Variants in MAPKAP1 observed in about 807,000 individuals in gnomAD.
MAPKAP1 encodes the protein target of rapamycin complex 2 subunit MAPKAP1.
A neutral mutation model predicts 65.7 loss-of-function variants in MAPKAP1; 20 were observed. The ratio of observed to expected loss-of-function variants is 0.30; its 90% CI spans 0.21 to 0.44. The LOEUF is 0.44. Among genes scored for constraint, MAPKAP1 ranks in the 20% least tolerant of loss-of-function variants. The pLI is 1.00. For missense variants in MAPKAP1, 423 were observed against 648.0 expected (o/e 0.65, Z 3.77); for synonymous variants, 222 against 244.3 (o/e 0.91, Z 0.85).
intron 9 of MAPKAP1, chr9:125,471,454 A>C (rs1363112770): frequency 6.6e-6 from 1 of 152,442 alleles, no homozygotes; most frequent in Non-Finnish European, 1.5e-5. Flanking sequence ...AAGACAAAAG[A>C]GTTAGGAGTA....
intron 6 of MAPKAP1, among the ~76,000 whole-genome samples, chr9:125,552,897 A>C (rs570476109): frequency 6.6e-6 from 1 of 152,138 alleles, no homozygotes; most frequent in African/African-American, 2.4e-5. Flanking sequence ...GTCTCTAAAA[A>C]TTTTTTTAAA....
chr9:125,468,171 G>C, intron 9 of MAPKAP1, 62 bp from the exon 10 acceptor site: 2 of 1,534,190 alleles, frequency 1.3e-6, no homozygotes, highest in Non-Finnish European at 1.8e-6. Context: ...AGTGATTTCA[G>C]GGAAATCATT....
chr9:125,685,745 C>A (rs1834955523), intron 1 of MAPKAP1, among the ~76,000 whole-genome samples: 1 of 152,220 alleles, frequency 6.6e-6, no homozygotes. Flanking sequence ...CATCACTATG[C>A]TGCCAGTTTC....
At chr9:125,521,849 A>G (rs1376399974) in intron 7 of MAPKAP1, 18 of 1,298,526 alleles carry the variant, frequency 1.4e-5, no homozygotes, top group African/African-American at 3.0e-5. Flanking sequence ...GGTGACTCCA[A>G]CCTGAGTCAG....
chr9:125,561,139 T>C (rs1359402897), intron 5 of MAPKAP1, among the ~76,000 whole-genome samples: 3 of 152,238 alleles, frequency 2.0e-5, no homozygotes, highest in Admixed American at 6.5e-5. Context: ...AATTGTTTAA[T>C]TGGTTGGTTG....
chr9:125,652,089 T>G, intron 4 of MAPKAP1: 1 of 1,252,050 alleles, frequency 8.0e-7, no homozygotes, highest in Non-Finnish European at 1.0e-6. Context: ...GGGCAATTTT[T>G]CTTTTTACGT....
chr9:125,596,623 T>C (rs1420417016), intron 4 of MAPKAP1: 9 of 650,670 alleles, frequency 1.4e-5, no homozygotes, highest in Non-Finnish European at 2.6e-5. Context: ...TGGCAGAAGA[T>C]TTTAATTACT....
At chr9:125,468,611 C>A (rs1287240502) in intron 9 of MAPKAP1, among the ~76,000 whole-genome samples, 1 of 152,162 alleles carries the variant, frequency 6.6e-6, no homozygotes, top group Admixed American at 6.5e-5. Context: ...ACCTTATACA[C>A]TAAAAAGAAT....
At chr9:125,460,733 G>A (rs1853464368) in intron 10 of MAPKAP1, among the ~76,000 whole-genome samples, 1 of 152,204 alleles carries the variant, frequency 6.6e-6, no homozygotes, top group South Asian at 2.1e-4. Context: ...AATAGTTTAA[G>A]AGTAAGATGT....
At chr9:125,625,254 A>AAT in intron 4 of MAPKAP1, among the ~76,000 whole-genome samples, 1 of 57,324 alleles carries the variant, frequency 1.7e-5, no homozygotes, top group Non-Finnish European at 4.0e-5. Flanking sequence ...AAATAAATAA[A>AAT]TAAAAAAAAA....
rs137941662 is a variant in MAPKAP1, at chr9:125,568,655, G to A, written c.672-8846C>T. On this transcript the variant is annotated intron_variant, in intron 5 of 11. Coordinates refer to ENST00000265960, the MANE Select transcript of MAPKAP1 (RefSeq NM_001006617.3). ...CCATCTGAGGGCAAATTTAAGCCTT[G>A]CCAGTTTGATATTGGGTGCTAAGCA... 2.6e-5 allele frequency: 4 copies of A among 152,394 alleles called. No homozygotes were observed. In the East Asian group the frequency reaches 7.7e-4, roughly 29 times the overall value. The allele number at this position is 152,394 out of a possible 1,614,324, so 9.4% of individuals were successfully genotyped here.
chr9:125,589,005 G>A (rs545904317), intron 4 of MAPKAP1, among the ~76,000 whole-genome samples: 2 of 152,246 alleles, frequency 1.3e-5, no homozygotes, highest in East Asian at 3.9e-4. Flanking sequence ...GCTGTTCACT[G>A]TATCTAGAGA....
chr9:125,484,295 CT>C, intron 9 of MAPKAP1, 147 bp downstream of exon 9: 1 of 811,942 alleles, frequency 1.2e-6, no homozygotes, highest in Non-Finnish European at 1.8e-6. Flanking sequence ...AAAGGATGTA[CT>C]TCAAATTCCA....
chr9:125,445,986 C>T (rs1852697969), intron 10 of MAPKAP1, among the ~76,000 whole-genome samples: 1 of 152,224 alleles, frequency 6.6e-6, no homozygotes, highest in Non-Finnish European at 1.5e-5. Flanking sequence ...AGTCTTTCGA[C>T]AGACCTTAGT....
chr9:125,554,752 C>T (rs1290733183), intron 6 of MAPKAP1, among the ~76,000 whole-genome samples: 1 of 124,788 alleles, frequency 8.0e-6, no homozygotes, highest in East Asian at 2.5e-4. Context: ...GCCATGATCA[C>T]ATCACTGCAC....
chr9:125,673,848 G>C (rs1463308845), intron 1 of MAPKAP1, among the ~76,000 whole-genome samples: 1 of 152,026 alleles, frequency 6.6e-6, no homozygotes, highest in Non-Finnish European at 1.5e-5. Flanking sequence ...AGGCTGAAGT[G>C]GGGGGATCAC....
At chr9:125,532,226 T>A (rs951330392) in intron 7 of MAPKAP1, among the ~76,000 whole-genome samples, 3 of 152,202 alleles carry the variant, frequency 2.0e-5, no homozygotes, top group Non-Finnish European at 2.9e-5. Context: ...TATATTTATA[T>A]ATCTCCTTGG....
At chr9:125,609,116 T>C (rs949737870) in intron 4 of MAPKAP1, among the ~76,000 whole-genome samples, 2 of 152,254 alleles carry the variant, frequency 1.3e-5, no homozygotes, top group Non-Finnish European at 2.9e-5. Flanking sequence ...TAAATTCCTG[T>C]TAATTGTAAA....
chr9:125,581,437 G>A (rs959320005), intron 5 of MAPKAP1, among the ~76,000 whole-genome samples: 1 of 152,312 alleles, frequency 6.6e-6, no homozygotes, highest in Non-Finnish European at 1.5e-5. Flanking sequence ...AATGGCTAAT[G>A]TTGCTGAGCA....
Sources: gnomAD v4.1 joint callset for allele counts (sites outside exome capture counted in the v4.1 genomes callset) on GRCh38, gnomAD v4.1.1 for gene constraint, MANE v1.5 for transcripts, NCBI Gene and HGNC (gene_info 2026-07-23, HGNC 2026-07-21) for gene names.